CPLANE1: variants seen among roughly 807,000 people sequenced by gnomAD.
CPLANE1 encodes ciliogenesis and planar polarity effector 1.
A neutral mutation model predicts 362.5 loss-of-function variants in CPLANE1; 263 were observed. That is an observed-to-expected ratio of 0.73 (90% CI 0.66 to 0.80). The LOEUF (loss-of-function observed/expected upper bound fraction) is 0.80, where lower values mean the gene tolerates loss of function less well. Ranked by LOEUF, CPLANE1 falls within the 30% of genes least tolerant of loss-of-function variation. CPLANE1 has a pLI of 0.00. For synonymous variants in CPLANE1, 1,212 were observed against 1,302.6 expected (o/e 0.93, Z 1.50); for missense variants, 3,461 against 3,793.4 (o/e 0.91, Z 2.30).
intron 46 of CPLANE1, among the ~76,000 whole-genome samples, chr5:37,132,867 G>GA (rs1480444950): frequency 1.3e-5 from 2 of 152,124 alleles, no homozygotes; most frequent in Non-Finnish European, 2.9e-5. Flanking sequence ...GTCCAGAATG[G>GA]TATTTCCTAA....
the CPLANE1 span, among the ~76,000 whole-genome samples, chr5:37,081,254 A>G: frequency 6.6e-6 from 1 of 152,244 alleles, no homozygotes; most frequent in Non-Finnish European, 1.5e-5. Flanking sequence ...CAAAGACTTT[A>G]AAGCAGCTAT....
intron 9 of CPLANE1, among the ~76,000 whole-genome samples, chr5:37,229,480 A>C (rs1262724492): frequency 6.6e-6 from 1 of 151,914 alleles, no homozygotes; most frequent in Non-Finnish European, 1.5e-5. Flanking sequence ...CGGAGCTTGC[A>C]GTGAGCCGAG....
chr5:37,108,015 C>T (rs1758029951), intron 52 of CPLANE1, among the ~76,000 whole-genome samples: 1 of 152,134 alleles, frequency 6.6e-6, no homozygotes, highest in Non-Finnish European at 1.5e-5. Context: ...GAAGACAGGG[C>T]AGAACGGATG....
chr5:37,240,713 C>T (rs1392394422), intron 6 of CPLANE1, among the ~76,000 whole-genome samples: 3 of 152,088 alleles, frequency 2.0e-5, no homozygotes, highest in Admixed American at 6.5e-5. Flanking sequence ...TTGGAGGGGA[C>T]GAACATCCAA....
chr5:37,100,224 G>A, the CPLANE1 span, among the ~76,000 whole-genome samples: 1 of 152,078 alleles, frequency 6.6e-6, no homozygotes, highest in South Asian at 2.1e-4. Context: ...TTTTCTTCTA[G>A]GGTTTTTATA....
intron 18 of CPLANE1, among the ~76,000 whole-genome samples, chr5:37,203,752 A>G (rs1333046687): frequency 4.6e-5 from 7 of 152,192 alleles, no homozygotes; most frequent in East Asian, 1.9e-4. Flanking sequence ...TCCTGGGCTC[A>G]AGTGATCTGC....
chr5:37,152,361 A>G (rs1037513426), intron 42 of CPLANE1, among the ~76,000 whole-genome samples: 2 of 152,008 alleles, frequency 1.3e-5, no homozygotes. Context: ...TTTTATGGAG[A>G]TGAGGTCTCG....
chr5:37,248,342 C>T (rs1740540134), intron 1 of CPLANE1, among the ~76,000 whole-genome samples: 1 of 152,050 alleles, frequency 6.6e-6, no homozygotes, highest in Non-Finnish European at 1.5e-5. Flanking sequence ...GTTGGCCAGG[C>T]TGGTCTCGAA....
At chr5:37,248,791 G>C (rs1740716112) in intron 1 of CPLANE1, among the ~76,000 whole-genome samples, 1 of 152,240 alleles carries the variant, frequency 6.6e-6, no homozygotes, top group Non-Finnish European at 1.5e-5. Flanking sequence ...AATAGTATCA[G>C]CGCTGCTAAA....
At chr5:37,183,783 T>A in intron 25 of CPLANE1, 84 bp from the exon 26 acceptor site, 1 of 942,862 alleles carries the variant, frequency 1.1e-6, no homozygotes, top group Non-Finnish European at 1.6e-6. Flanking sequence ...GAAAATTCTC[T>A]CCAATGATTA....
chr5:37,130,184 T>G (rs562904030), intron 46 of CPLANE1, among the ~76,000 whole-genome samples: 8 of 152,182 alleles, frequency 5.3e-5, no homozygotes, highest in African/African-American at 1.9e-4. Context: ...TCATAAGCTA[T>G]GAGGAGGCAA....
At chr5:37,219,100 G>A (rs892867619) in intron 15 of CPLANE1, among the ~76,000 whole-genome samples, 5 of 152,088 alleles carry the variant, frequency 3.3e-5, no homozygotes, top group African/African-American at 1.2e-4. Flanking sequence ...TTCACCCTGG[G>A]TACAGTGGCT....
At chr5:37,210,814 A>G (rs898636963) in intron 16 of CPLANE1, 58 of 1,028,418 alleles carry the variant, frequency 5.6e-5, no homozygotes, top group Non-Finnish European at 8.7e-5. Context: ...GTCTTTCAGA[A>G]AGAACTAAGG....
chr5:37,117,131 C>T (rs750221516), intron 50 of CPLANE1, among the ~76,000 whole-genome samples: 11 of 152,094 alleles, frequency 7.2e-5, no homozygotes, highest in Non-Finnish European at 1.0e-4. Context: ...CTATAATACC[C>T]GCCTATTAAT....
At chr5:37,085,966 T>A in the CPLANE1 span, 2 of 605,124 alleles carry the variant, frequency 3.3e-6, no homozygotes, top group South Asian at 4.2e-5. Context: ...AGGGACATTA[T>A]ATAATGATAA....
chr5:37,239,446 G>C (rs1027934185), intron 7 of CPLANE1, among the ~76,000 whole-genome samples: 1 of 151,796 alleles, frequency 6.6e-6, no homozygotes, highest in Admixed American at 6.6e-5. Context: ...AGCCAGGCAC[G>C]GTGGTATAAG....
intron 47 of CPLANE1, 62 bp from the exon 48 acceptor site, chr5:37,122,550 A>G: frequency 1.6e-6 from 2 of 1,276,348 alleles, no homozygotes; most frequent in Non-Finnish European, 2.2e-6. Context: ...ACCATTACAC[A>G]TAATTCTGTT....
intron 16 of CPLANE1, among the ~76,000 whole-genome samples, chr5:37,208,944 AAAAAGAAAAG>A (rs1298017265): frequency 8.1e-6 from 1 of 122,708 alleles, no homozygotes; most frequent in Non-Finnish European, 1.7e-5. Flanking sequence ...GATGAAAAAA[AAAAAGAAAAG>A]AAAAAAAGAA....
intron 19 of CPLANE1, 85 bp downstream of exon 19, chr5:37,201,506 C>T: frequency 8.9e-7 from 1 of 1,120,080 alleles, no homozygotes; most frequent in Non-Finnish European, 1.3e-6. Context: ...AATTTTTAAC[C>T]TGATGATTAT....
Sources: gnomAD v4.1 joint callset for allele counts (sites outside exome capture counted in the v4.1 genomes callset) on GRCh38, gnomAD v4.1.1 for gene constraint, MANE v1.5 for transcripts, NCBI Gene and HGNC (gene_info 2026-07-23, HGNC 2026-07-21) for gene names.